SCFD2: variants seen among roughly 807,000 people sequenced by gnomAD.
SCFD2 encodes sec1 family domain-containing protein 2.
SCFD2 carries 54 observed loss-of-function variants against 58.9 expected under a neutral mutation model. The observed-to-expected ratio is 0.92, with a 90% CI of 0.74 to 1.15. The LOEUF (loss-of-function observed/expected upper bound fraction) is 1.15. Ranked by LOEUF, SCFD2 falls within the 50% of genes most tolerant of loss-of-function variation. The pLI is 0.00. For missense variants in SCFD2, 805 were observed against 836.6 expected, an observed-to-expected ratio of 0.96 and a Z score of 0.47; for synonymous variants, 321 against 335.9, an observed-to-expected ratio of 0.96 and a Z score of 0.49.
chr4:53,309,428 A>G (rs146014762), intron 3 of SCFD2, among the ~76,000 whole-genome samples: 3 of 152,344 alleles, frequency 2.0e-5, no homozygotes, highest in African/African-American at 7.2e-5. Flanking sequence ...CTTGTAGTGG[A>G]TCAGATTATC....
At chr4:53,181,219 A>G (rs1727542722) in intron 4 of SCFD2, among the ~76,000 whole-genome samples, 1 of 152,176 alleles carries the variant, frequency 6.6e-6, no homozygotes, top group Non-Finnish European at 1.5e-5. Context: ...AGAATTTTAG[A>G]CCAATATCCT....
Position 53,300,557 on chromosome 4 carries a change from A to G in SCFD2, c.1135+13079T>C, listed in dbSNP as rs554767399. Among the ~76,000 whole-genome samples, 61 of 152,312 alleles carry G rather than the reference A, an allele frequency of 4.0e-4. 1 individual carries two copies. The East Asian group carries it at 4.4e-3, about 11-fold the overall frequency. The stretch of plus-strand genomic sequence containing the variant: ...CAGATCAACGAGAAAGAAAGTTAAC[A>G]AGGATACCCAGGAATTGAACGCAGC... On this transcript the variant is annotated intron_variant, in intron 3 of 8. Transcript: ENST00000401642.
intron 2 of SCFD2, among the ~76,000 whole-genome samples, chr4:53,342,138 C>T (rs1733897395): frequency 6.6e-6 from 1 of 152,126 alleles, no homozygotes; most frequent in Admixed American, 6.5e-5. Flanking sequence ...GGGCTAAATG[C>T]TCCAATTAAA....
At chr4:52,924,130 CAGAA>C (rs1396076373) in intron 5 of SCFD2, among the ~76,000 whole-genome samples, 1 of 152,050 alleles carries the variant, frequency 6.6e-6, no homozygotes, top group Non-Finnish European at 1.5e-5. Context: ...TTCTATAGAA[CAGAA>C]AGAGTCATCC....
intron 5 of SCFD2, among the ~76,000 whole-genome samples, chr4:53,098,168 T>C (rs991102018): frequency 3.9e-5 from 6 of 152,240 alleles, no homozygotes; most frequent in African/African-American, 1.4e-4. Context: ...GATATTGGTC[T>C]AAAATTCTCT....
At chr4:53,081,518 T>C (rs1401955769) in intron 5 of SCFD2, among the ~76,000 whole-genome samples, 5 of 152,182 alleles carry the variant, frequency 3.3e-5, no homozygotes, top group Non-Finnish European at 5.9e-5. Context: ...TCCATTCCTA[T>C]GAACCACTCA....
rs538971952 is a variant in SCFD2 at position 53,254,810 on chromosome 4, A to T, written c.1311+19016T>A. ...CACTTCATGTTTATTTTATTTTTTT[A>T]TTTTATTTTATTTTATTTTATTTTA... On this transcript the variant is annotated intron_variant, in intron 4 of 8. Coordinates refer to ENST00000401642, the MANE Select transcript of SCFD2 (RefSeq NM_152540.4). Among the ~76,000 whole-genome samples the T allele has an allele frequency of 2.8e-4, 3 of 10,596 alleles. No homozygotes were observed. The South Asian group carries it at 0.016, about 58-fold the overall frequency. The allele number at this position is 10,596 out of a possible 152,430, so 7.0% of individuals were successfully genotyped here.
chr4:53,365,783 G>A lies in SCFD2; in HGVS notation c.159C>T (p.Asp53=). Residue 53 remains aspartate, a synonymous_variant, in exon 1 of 9, where the codon GAC becomes GAT. Transcript: ENST00000401642. The surrounding 1 kb of genome is among the most constrained non-coding windows in gnomAD (Gnocchi z 4.3). The part of the protein sequence containing the change: ...TRLLEAVGGP[D]CHLREFEPDA... Reference sequence around the variant, plus strand: ...CGGGCTCGAACTCTCGCAGGTGACAGTCAGGACCCCCCACCGCCTCCAGGA... The same window carrying A: ...CGGGCTCGAACTCTCGCAGGTGACAATCAGGACCCCCCACCGCCTCCAGGA... 1 of 1,613,952 alleles carries A rather than the reference G, an allele frequency of 6.2e-7. No individual in the cohort carries two copies. The highest frequency in any genetic ancestry group is 1.1e-5 in the South Asian group (1 of 91,038).
At chr4:52,899,423 G>A (rs1397686684) in intron 7 of SCFD2, among the ~76,000 whole-genome samples, 2 of 152,174 alleles carry the variant, frequency 1.3e-5, no homozygotes, top group African/African-American at 4.8e-5. Context: ...TAGTTTGGCT[G>A]GATATGAAAT....
intron 5 of SCFD2, among the ~76,000 whole-genome samples, chr4:53,112,790 A>G (rs979221039): frequency 1.3e-5 from 2 of 152,112 alleles, no homozygotes; most frequent in South Asian, 2.1e-4. Flanking sequence ...TGTTTCTTCA[A>G]TCTACCCACT....
At chr4:53,116,588 G>T (rs544513986) in intron 5 of SCFD2, among the ~76,000 whole-genome samples, 2 of 152,282 alleles carry the variant, frequency 1.3e-5, no homozygotes, top group African/African-American at 4.8e-5. Context: ...GACATAACAG[G>T]ATATACTACA....
intron 3 of SCFD2, among the ~76,000 whole-genome samples, chr4:53,281,558 C>T (rs954768175): frequency 3.3e-5 from 5 of 152,056 alleles, no homozygotes; most frequent in South Asian, 2.1e-4. Context: ...TTATGAGTTT[C>T]GTAAATAATG....
intron 5 of SCFD2, among the ~76,000 whole-genome samples, chr4:52,999,516 G>A (rs1425581801): frequency 2.6e-5 from 4 of 152,106 alleles, no homozygotes; most frequent in Non-Finnish European, 5.9e-5. Context: ...TTGCCTTGAT[G>A]AAAAATTTGT....
chr4:53,113,485 A>G (rs1427600820), intron 5 of SCFD2, among the ~76,000 whole-genome samples: 1 of 152,080 alleles, frequency 6.6e-6, no homozygotes, highest in Non-Finnish European at 1.5e-5. Context: ...ATAAGTTTTC[A>G]TTGTTTTAAG....
chr4:53,211,559 G>C (rs1289767877), intron 4 of SCFD2, among the ~76,000 whole-genome samples: 1 of 152,114 alleles, frequency 6.6e-6, no homozygotes, highest in Non-Finnish European at 1.5e-5. Flanking sequence ...ATGTGTTTGG[G>C]ATGGGGGTCA....
intron 4 of SCFD2, among the ~76,000 whole-genome samples, chr4:53,265,970 C>A (rs889978826): frequency 1.3e-5 from 2 of 151,994 alleles, no homozygotes; most frequent in African/African-American, 4.8e-5. Flanking sequence ...GTCTTGAACT[C>A]CTGGCTTCAA....
intron 5 of SCFD2, among the ~76,000 whole-genome samples, chr4:52,970,127 G>C (rs1721060907): frequency 6.6e-6 from 1 of 152,206 alleles, no homozygotes; most frequent in African/African-American, 2.4e-5. Flanking sequence ...ATTTCCAACT[G>C]AGGTACCGGG....
At chr4:53,033,776 C>A (rs533406592) in intron 5 of SCFD2, among the ~76,000 whole-genome samples, 1 of 152,104 alleles carries the variant, frequency 6.6e-6, no homozygotes, top group Admixed American at 6.5e-5. Flanking sequence ...AGGAAGAAAT[C>A]GAATCCCTGA....
intron 3 of SCFD2, among the ~76,000 whole-genome samples, 192 bp from the exon 4 acceptor site, chr4:53,274,193 C>A (rs1731261879): frequency 6.6e-6 from 1 of 152,160 alleles, no homozygotes; most frequent in African/African-American, 2.4e-5. Context: ...TTAATACCTG[C>A]ATTTTGCAAG....
Sources: gnomAD v4.1 joint callset for allele counts (sites outside exome capture counted in the v4.1 genomes callset) on GRCh38, gnomAD v4.1.1 for gene constraint, Gnocchi (gnomAD v3.1) non-coding constraint, MANE v1.5 for transcripts, NCBI Gene and HGNC (gene_info 2026-07-23, HGNC 2026-07-21) for gene names.